DYTN: variants seen among roughly 807,000 people sequenced by gnomAD.
DYTN encodes the protein dystrotelin.
DYTN carries 75 observed loss-of-function variants against 69.6 expected under a neutral mutation model. The ratio of observed to expected loss-of-function variants is 1.08; its 90% confidence interval spans 0.89 to 1.31. DYTN has a LOEUF of 1.31. DYTN is among the 50% of genes most tolerant of loss of function. The pLI is 0.00. For synonymous variants in DYTN, 252 were observed against 249.1 expected, an observed-to-expected ratio of 1.01 and a Z score of -0.11; for missense variants, 726 against 688.4, an observed-to-expected ratio of 1.05 and a Z score of -0.61.
chr2:206,710,586 C>T lies in DYTN; in HGVS notation c.32G>A (p.Ser11Asn), dbSNP rs1700071277. 1.2e-6 allele frequency: 2 copies of T among 1,606,752 alleles called. No homozygotes were observed. Among genetic ancestry groups the T allele is most frequent in the Non-Finnish European group, 1.7e-6 (2 of 1,176,162 alleles). MDPDKQDALNSIENSIYRTAF... is the reference protein window; with the variant it reads MDPDKQDALNNIENSIYRTAF... Reference sequence around the variant, plus strand: ...TGTTCTATAAATGGAATTCTCAATACTATTAAGAGCATCTGTAAAGAAAAC... The same window carrying T: ...TGTTCTATAAATGGAATTCTCAATATTATTAAGAGCATCTGTAAAGAAAAC... The change falls in exon 2 of 12, where the codon AGT becomes AAT. Residue 11 changes from serine to asparagine, a missense_variant. Physicochemically the swap from Ser to Asn is conservative, Grantham distance 46 (BLOSUM62 1). Transcript: ENST00000452335.
chr2:206,654,262 T>C (rs533240318), intron 11 of DYTN, among the ~76,000 whole-genome samples: 12 of 152,274 alleles, frequency 7.9e-5, no homozygotes, highest in African/African-American at 2.9e-4. Context: ...GCCAACTAAT[T>C]CATGGATTTT....
rs187357428 is a variant in DYTN, at chr2:206,710,011, A to T, written c.94+513T>A. Among the ~76,000 whole-genome samples the T allele has an allele frequency of 3.9e-5, 6 of 152,332 alleles. No individual in the cohort carries two copies. The East Asian group carries it at 9.6e-4, about 24-fold the overall frequency. ...TTTACTGCAAAAAGGGGCAGTTCTCAGGGAATTCTCGAGATAGTTTTAAAA... is the reference window on the plus strand; with the variant it reads ...TTTACTGCAAAAAGGGGCAGTTCTCTGGGAATTCTCGAGATAGTTTTAAAA... On this transcript the variant is annotated intron_variant, in intron 2 of 11. Coordinates refer to ENST00000452335, the MANE Select transcript of DYTN (RefSeq NM_001093730.1).
intron 9 of DYTN, among the ~76,000 whole-genome samples, chr2:206,675,121 G>A (rs367667202): frequency 7.4e-6 from 1 of 135,748 alleles, no homozygotes; most frequent in Admixed American, 7.7e-5. Flanking sequence ...ATATATGTGT[G>A]TGTGTGTGTG....
At position 206,665,886 on chromosome 2, in the gene DYTN, A is replaced by G. The variant is rs1464281890; in HGVS notation, c.1124T>C (p.Ile375Thr). 6 of 1,613,738 alleles carry G rather than the reference A, an allele frequency of 3.7e-6. No homozygotes were observed. Among genetic ancestry groups the G allele is most frequent in the Non-Finnish European group, 5.1e-6 (6 of 1,179,778 alleles). ...QDSLWTKLQQ[I>T]RRDLQARLQP... ...ATTTTATACCTGTAGGTCCCGTCTT[A>G]TCTGTTGTAGCTTGGTCCATAGACT... The change falls in exon 10 of 12, where the codon ATA becomes ACA. Residue 375 changes from isoleucine to threonine, a missense_variant. Physicochemically the swap from Ile to Thr is moderately conservative, Grantham distance 89 (BLOSUM62 -1). Transcript: ENST00000452335.
intron 11 of DYTN, among the ~76,000 whole-genome samples, chr2:206,658,968 C>T (rs146748245): frequency 1.4e-5 from 2 of 138,194 alleles, no homozygotes. Context: ...TTGAATAATA[C>T]AGTAAAACAA....
At chr2:206,717,063 CA>C (rs1700136740) in intron 1 of DYTN, among the ~76,000 whole-genome samples, 1 of 151,794 alleles carries the variant, frequency 6.6e-6, no homozygotes, top group Non-Finnish European at 1.5e-5. Context: ...CACACACACA[CA>C]CACACACACA....
intron 5 of DYTN, chr2:206,701,219 T>G (rs1211214687): frequency 1.3e-5 from 2 of 152,224 alleles, no homozygotes; most frequent in Non-Finnish European, 2.9e-5. Context: ...TTCCAAACAC[T>G]TTCATATCAC....
At chr2:206,657,250 A>T (rs1228868838) in intron 11 of DYTN, among the ~76,000 whole-genome samples, 1 of 152,120 alleles carries the variant, frequency 6.6e-6, no homozygotes, top group Non-Finnish European at 1.5e-5. Context: ...AGTAGATATG[A>T]CTATAGGCAT....
chr2:206,695,728 T>C (rs899341697), intron 7 of DYTN, among the ~76,000 whole-genome samples: 4 of 152,214 alleles, frequency 2.6e-5, no homozygotes, highest in Non-Finnish European at 5.9e-5. Context: ...TATACATTTT[T>C]CCCCTGATAT....
At chr2:206,695,756 A>G (rs1699913200) in intron 7 of DYTN, among the ~76,000 whole-genome samples, 1 of 152,186 alleles carries the variant, frequency 6.6e-6, no homozygotes, top group African/African-American at 2.4e-5. Context: ...CTCTTCTCTA[A>G]CTGCAGTGTG....
At chr2:206,690,993 T>C (rs1010520930) in intron 9 of DYTN, among the ~76,000 whole-genome samples, 1 of 152,110 alleles carries the variant, frequency 6.6e-6, no homozygotes, top group Non-Finnish European at 1.5e-5. Flanking sequence ...GGGAAAACGA[T>C]GGAGGAATTT....
rs1699567056 is a variant in DYTN, at chr2:206,665,997, T to C, written c.1013A>G (p.Asp338Gly). 6.2e-7 allele frequency: 1 copy of C among 1,613,780 alleles called. No homozygotes were observed. The highest frequency in any genetic ancestry group is 1.3e-5 in the African/African-American group (1 of 74,908). The change falls in exon 10 of 12, where the codon GAC (aspartate) becomes GGC (glycine). Residue 338 changes from aspartate to glycine, a missense_variant. Coordinates refer to ENST00000452335, the MANE Select transcript of DYTN (RefSeq NM_001093730.1). Reference protein sequence around the residue: ...LLKKQLNQYKDKLQAIYTSQE... With the variant: ...LLKKQLNQYKGKLQAIYTSQE... ...GGAGGTGTATATAGCTTGCAACTTG[T>C]CTTTGTATTGGTTTAACTGTTTTTT...
intron 9 of DYTN, chr2:206,686,626 G>T (rs1699811869): frequency 6.6e-6 from 1 of 152,222 alleles, no homozygotes; most frequent in African/African-American, 2.4e-5. Flanking sequence ...CATGCGGCAG[G>T]TAAACAGCCT....
chr2:206,716,127 G>GA (rs1700128449), intron 1 of DYTN, among the ~76,000 whole-genome samples: 2 of 152,152 alleles, frequency 1.3e-5, no homozygotes, highest in South Asian at 4.1e-4. Context: ...GAAAAAGAAA[G>GA]AAAGAAAGTG....
intron 3 of DYTN, 73 bp downstream of exon 3, chr2:206,707,229 G>A (rs1700035917): frequency 2.6e-6 from 4 of 1,525,226 alleles, no homozygotes; most frequent in Non-Finnish European, 2.7e-6. Context: ...ATATTAGCCA[G>A]CACCAAATGG....
chr2:206,660,909 C>A (rs531669369), intron 11 of DYTN, among the ~76,000 whole-genome samples: 5 of 152,236 alleles, frequency 3.3e-5, no homozygotes, highest in Admixed American at 1.3e-4. Flanking sequence ...AATGTGCCCC[C>A]CTCCTACCCC....
chr2:206,704,046 A>T (rs2105900497), intron 5 of DYTN, among the ~76,000 whole-genome samples: 1 of 152,366 alleles, frequency 6.6e-6, no homozygotes, highest in South Asian at 2.1e-4. Context: ...AAATGTACAC[A>T]TTCTTAAACC....
chr2:206,711,346 A>G (rs1181123376), intron 1 of DYTN, among the ~76,000 whole-genome samples: 37 of 152,176 alleles, frequency 2.4e-4, no homozygotes, highest in Admixed American at 2.3e-3. Flanking sequence ...GTACTTGCCC[A>G]TTTCACAGTG....
At chr2:206,686,776 T>G (rs1223880455) in intron 9 of DYTN, 1 of 152,362 alleles carries the variant, frequency 6.6e-6, no homozygotes, top group Admixed American at 6.5e-5. Context: ...TGCAGCCCCA[T>G]GCCTTTTCAC....
Sources: allele counts gnomAD v4.1 joint callset (sites outside exome capture counted in the v4.1 genomes callset), GRCh38; gene constraint gnomAD v4.1.1; transcripts MANE v1.5; gene names NCBI Gene and HGNC (gene_info 2026-07-23, HGNC 2026-07-21).